NEMP2: variants seen among roughly 807,000 people sequenced by gnomAD.
The protein encoded by NEMP2 is UPF0571 transmembrane protein.
Under a neutral mutation model 54.2 loss-of-function variants are expected in NEMP2, and 53 were observed. That is an observed-to-expected ratio of 0.98 (90% CI 0.78 to 1.23). The LOEUF is 1.23. Among genes scored for constraint, NEMP2 ranks in the 50% most tolerant of loss-of-function variants. The probability of loss-of-function intolerance (pLI) is 0.00; values close to 1 mark genes in which losing one functional copy is unlikely to be tolerated. For missense variants in NEMP2, 455 were observed against 511.3 expected (o/e 0.89, Z 1.06); for synonymous variants, 197 against 190.3 (o/e 1.04, Z -0.29).
chr2:190,623,629 C>A, the NEMP2 span, among the ~76,000 whole-genome samples: 1 of 152,092 alleles, frequency 6.6e-6, no homozygotes, highest in Non-Finnish European at 1.5e-5. Context: ...AAGAATGAAG[C>A]TAACCTCTAT....
At chr2:190,633,303 A>G in the NEMP2 span, among the ~76,000 whole-genome samples, 1 of 149,338 alleles carries the variant, frequency 6.7e-6, no homozygotes, top group East Asian at 1.9e-4. Context: ...TGTTGCATTC[A>G]ACTTTTCCTT....
chr2:190,499,886 A>G (rs761935842), downstream of NEMP2: 9 of 1,560,282 alleles, frequency 5.8e-6, no homozygotes, highest in Non-Finnish European at 6.1e-6. The surrounding 1 kb of genome is among the most constrained non-coding windows in gnomAD (Gnocchi z 6.0). Flanking sequence ...TTCCTCTATT[A>G]CTTGGTCCCT....
chr2:190,605,067 C>G, the NEMP2 span, among the ~76,000 whole-genome samples: 1 of 152,180 alleles, frequency 6.6e-6, no homozygotes, highest in East Asian at 1.9e-4. Context: ...CATACATATA[C>G]AGTGCACGTC....
the NEMP2 span, among the ~76,000 whole-genome samples, chr2:190,487,133 G>A: frequency 2.6e-5 from 4 of 152,120 alleles, no homozygotes; most frequent in African/African-American, 9.7e-5. The surrounding 1 kb of genome is among the most constrained non-coding windows in gnomAD (Gnocchi z 5.5). Flanking sequence ...ACGAGGTCAA[G>A]AGATCAAGAC....
At chr2:190,577,872 T>TAAAAAC in the NEMP2 span, among the ~76,000 whole-genome samples, 40 of 152,110 alleles carry the variant, frequency 2.6e-4, no homozygotes, top group South Asian at 2.5e-3. This position sits in a 1 kb window ranked among gnomAD's most constrained non-coding sequence, Gnocchi z 4.8. Context: ...GACTCCATCT[T>TAAAAAC]AAAAACAAAA....
the NEMP2 span, chr2:190,433,411 A>C: frequency 6.6e-6 from 1 of 152,204 alleles, no homozygotes; most frequent in South Asian, 2.1e-4. The surrounding 1 kb of genome is among the most constrained non-coding windows in gnomAD (Gnocchi z 4.5). Flanking sequence ...CATTAAAGAA[A>C]GTCATGTATA....
Position 190,516,278 on chromosome 2 carries a change from T to A in NEMP2, c.719A>T (p.Tyr240Phe). ...LKWLWYENRI[Y>F]VLGYVLIVGF... ...TTTTTCTATTTACCTACCTAATACA[T>A]ATATCCTGTTTTCATACCACAGCCA... Residue 240 changes from tyrosine (Y) to phenylalanine (F), a missense_variant, in exon 6 of 9, where the codon TAT becomes TTT. Tyr to Phe is a conservative substitution (Grantham distance 22). Coordinates refer to ENST00000409150, the MANE Select transcript of NEMP2 (RefSeq NM_001142645.2). 1 of 1,549,022 alleles carries A rather than the reference T, an allele frequency of 6.5e-7. No individual in the cohort carries two copies. Among genetic ancestry groups the A allele is most frequent in the Non-Finnish European group, 8.7e-7 (1 of 1,145,324 alleles).
At chr2:190,559,348 C>T in the NEMP2 span, among the ~76,000 whole-genome samples, 32 of 152,070 alleles carry the variant, frequency 2.1e-4, no homozygotes, top group Admixed American at 8.5e-4. This position sits in a 1 kb window ranked among gnomAD's most constrained non-coding sequence, Gnocchi z 4.0. Flanking sequence ...AGTTGCAGCT[C>T]AGGAAGAAGG....
rs1690233729 is a variant in NEMP2, at chr2:190,507,955, A to T, written c.*1234T>A. 6.6e-6 allele frequency: 1 copy of T among 152,140 alleles called. No homozygotes were observed. Among genetic ancestry groups the T allele is most frequent in the Non-Finnish European group, 1.5e-5 (1 of 68,006 alleles). 9.4% of individuals were successfully genotyped at this position (152,140 alleles called of 1,614,324 possible). On this transcript the variant is annotated 3_prime_UTR_variant, in exon 9 of 9. Transcript: ENST00000409150. This position sits in a 1 kb window ranked among gnomAD's most constrained non-coding sequence, Gnocchi z 4.4. ...AACTTAGCAACATCTTAACCCTGAG[A>T]TTGTCTTGCCATGTTCAAATCTTTC...
the NEMP2 span, among the ~76,000 whole-genome samples, chr2:190,603,195 G>A: frequency 3.9e-5 from 6 of 152,044 alleles, no homozygotes; most frequent in African/African-American, 7.2e-5. Flanking sequence ...TATGGAATGT[G>A]GGGTGTGGGA....
In NEMP2 at chr2:190,508,189, G is replaced by T. The variant is rs1690240425; in HGVS notation, c.*1000C>A. The stretch of plus-strand genomic sequence containing the variant: ...CCTTCAATTTCAAAATACAAAAAAA[G>T]TAATCATAGTATCTAATCCTTACGT... On this transcript the variant is annotated 3_prime_UTR_variant, in exon 9 of 9. Coordinates refer to ENST00000409150, the MANE Select transcript of NEMP2 (RefSeq NM_001142645.2). This position sits in a 1 kb window ranked among gnomAD's most constrained non-coding sequence, Gnocchi z 4.3. 1 of 152,208 alleles carries T rather than the reference G, an allele frequency of 6.6e-6. No homozygotes were observed. Among genetic ancestry groups the T allele is most frequent in the Admixed American group, 6.5e-5 (1 of 15,286 alleles). The allele number at this position is 152,208 out of a possible 1,614,324, so 9.4% of individuals were successfully genotyped here.
chr2:190,440,592 CATTTGTAA>C, the NEMP2 span, among the ~76,000 whole-genome samples: 1 of 152,150 alleles, frequency 6.6e-6, no homozygotes, highest in Non-Finnish European at 1.5e-5. Context: ...TGCAGTAAAT[CATTTGTAA>C]ATTTGTAAAT....
chr2:190,451,620 A>G, the NEMP2 span, among the ~76,000 whole-genome samples: 1 of 152,196 alleles, frequency 6.6e-6, no homozygotes, highest in Admixed American at 6.5e-5. This position sits in a 1 kb window ranked among gnomAD's most constrained non-coding sequence, Gnocchi z 5.0. Context: ...AGGAGAAGCA[A>G]TTGTTTCAGC....
chr2:190,541,733 A>T, the NEMP2 span, among the ~76,000 whole-genome samples: 1 of 152,212 alleles, frequency 6.6e-6, no homozygotes, highest in Non-Finnish European at 1.5e-5. This position sits in a 1 kb window ranked among gnomAD's most constrained non-coding sequence, Gnocchi z 5.2. Flanking sequence ...TTTACCTCTC[A>T]GATTGAAGAA....
At chr2:190,516,191 A>C (rs929857647) in intron 6 of NEMP2, 79 bp downstream of exon 6, 1 of 933,538 alleles carries the variant, frequency 1.1e-6, no homozygotes, top group African/African-American at 1.7e-5. Flanking sequence ...TTGGAGAGAA[A>C]CATCTATCAA....
chr2:190,527,115 A>C lies in NEMP2; in HGVS notation c.98-1737T>G, dbSNP rs1396572304. ...TAGGAAACAGGAACAAGGAACACTTATGGGTACACAAAGAAATGGGCTTTA... is the reference window on the plus strand; with the variant it reads ...TAGGAAACAGGAACAAGGAACACTTCTGGGTACACAAAGAAATGGGCTTTA... On this transcript the variant is annotated intron_variant, in intron 1 of 8. Coordinates refer to ENST00000409150, the MANE Select transcript of NEMP2 (RefSeq NM_001142645.2). This position sits in a 1 kb window ranked among gnomAD's most constrained non-coding sequence, Gnocchi z 4.0. 6.6e-6 allele frequency among the ~76,000 whole-genome samples: 1 copy of C among 152,212 alleles called. No individual in the cohort carries two copies. Among genetic ancestry groups the C allele is most frequent in the Non-Finnish European group, 1.5e-5 (1 of 68,036 alleles).
At chr2:190,592,179 C>G in the NEMP2 span, among the ~76,000 whole-genome samples, 1 of 152,122 alleles carries the variant, frequency 6.6e-6, no homozygotes, top group Non-Finnish European at 1.5e-5. The surrounding 1 kb of genome is among the most constrained non-coding windows in gnomAD (Gnocchi z 4.4). Flanking sequence ...TGAATTTCAG[C>G]TCTGCCATTA....
rs1474769420 is a variant in NEMP2, at chr2:190,504,382, C to G, written c.*4807G>C. On this transcript the variant is annotated 3_prime_UTR_variant, in exon 9 of 9. Coordinates refer to ENST00000409150, the MANE Select transcript of NEMP2 (RefSeq NM_001142645.2). This position sits in a 1 kb window ranked among gnomAD's most constrained non-coding sequence, Gnocchi z 5.6. ...TGCCATTTAAATCTATAATCATATTCCATTCTCCCAATCTACAGTGCCATA... is the reference window on the plus strand; with the variant it reads ...TGCCATTTAAATCTATAATCATATTGCATTCTCCCAATCTACAGTGCCATA... 1 of 151,750 alleles carries G rather than the reference C, an allele frequency of 6.6e-6. No individual in the cohort carries two copies. Among genetic ancestry groups the G allele is most frequent in the African/African-American group, 2.4e-5 (1 of 41,282 alleles). 9.4% of individuals were successfully genotyped at this position (151,750 alleles called of 1,614,324 possible).
chr2:190,439,956 A>G, the NEMP2 span, among the ~76,000 whole-genome samples: 2 of 152,208 alleles, frequency 1.3e-5, no homozygotes, highest in Admixed American at 1.3e-4. The surrounding 1 kb of genome is among the most constrained non-coding windows in gnomAD (Gnocchi z 5.8). Context: ...TTGGGGATTT[A>G]AACTTTCCAC....
Sources: gnomAD v4.1 joint callset for allele counts (sites outside exome capture counted in the v4.1 genomes callset) on GRCh38, gnomAD v4.1.1 for gene constraint, Gnocchi (gnomAD v3.1) non-coding constraint, MANE v1.5 for transcripts, NCBI Gene and HGNC (gene_info 2026-07-23, HGNC 2026-07-21) for gene names.